The following SHISA9 variants were observed in gnomAD, a reference collection of about 807,000 sequenced individuals.
SHISA9 encodes protein shisa-9.
A neutral mutation model predicts 38.0 loss-of-function variants in SHISA9; 13 were observed. That is an observed-to-expected ratio of 0.34 (90% CI 0.22 to 0.54). The LOEUF is 0.54. SHISA9 is among the 20% of genes least tolerant of loss of function. SHISA9 has a pLI of 0.91. For missense variants in SHISA9, 538 were observed against 575.8 expected (o/e 0.93, Z 0.67); for synonymous variants, 275 against 242.0 (o/e 1.14, Z -1.27).
chr16:13,318,705 G>C, the SHISA9 span, among the ~76,000 whole-genome samples: 2 of 152,188 alleles, frequency 1.3e-5, no homozygotes, highest in Non-Finnish European at 1.5e-5. Flanking sequence ...AGCTCCAAGA[G>C]AAACTAGCTG....
At chr16:12,943,738 G>A (rs2071653297) in intron 2 of SHISA9, among the ~76,000 whole-genome samples, 1 of 152,006 alleles carries the variant, frequency 6.6e-6, no homozygotes. Context: ...TCTGTTCTGG[G>A]CATGCCTGTT....
chr16:12,989,458 C>A (rs972718766), intron 2 of SHISA9, among the ~76,000 whole-genome samples: 11 of 152,134 alleles, frequency 7.2e-5, no homozygotes, highest in African/African-American at 2.2e-4. Flanking sequence ...GGATTACAGG[C>A]ATGAGCCACT....
At chr16:13,438,209 A>C in the SHISA9 span, among the ~76,000 whole-genome samples, 1 of 152,328 alleles carries the variant, frequency 6.6e-6, no homozygotes, top group East Asian at 1.9e-4. Context: ...GAATATCTGC[A>C]AGGCATTCAC....
At position 13,150,924 on chromosome 16, in the gene SHISA9, C is replaced by T. The variant is rs545346082; in HGVS notation, c.692-52470C>T. On this transcript the variant is annotated intron_variant, in intron 2 of 4. Transcript: ENST00000558583. The stretch of plus-strand genomic sequence containing the variant: ...CCTTCCCTCATTTCTTCCTTTTTGC[C>T]CTCATCTCAAACCTCTCCCAAACAC... 3.3e-5 allele frequency among the ~76,000 whole-genome samples: 5 copies of T among 152,064 alleles called. No homozygotes were observed. The East Asian group carries it at 9.7e-4, about 29-fold the overall frequency.
At chr16:13,047,758 C>T (rs781343749) in intron 2 of SHISA9, among the ~76,000 whole-genome samples, 1 of 152,152 alleles carries the variant, frequency 6.6e-6, no homozygotes, top group Non-Finnish European at 1.5e-5. Flanking sequence ...TCACACAACC[C>T]TATGGGCTTA....
intron 2 of SHISA9, among the ~76,000 whole-genome samples, chr16:12,951,395 A>G (rs2071755379): frequency 6.6e-6 from 1 of 152,258 alleles, no homozygotes; most frequent in Admixed American, 6.5e-5. Context: ...AATATTGTCA[A>G]CTTTGCAGGG....
intron 2 of SHISA9, among the ~76,000 whole-genome samples, chr16:13,187,328 C>CTTTTTTTTTTTTTTTTTTTT (rs372286181): frequency 2.2e-5 from 2 of 90,686 alleles, no homozygotes; most frequent in South Asian, 4.5e-4. Context: ...CTTTTCTTTT[C>CTTTTTTTTTTTTTTTTTTTT]TTTTTTTTTT....
At chr16:13,036,557 A>C (rs148637102) in intron 2 of SHISA9, among the ~76,000 whole-genome samples, 1 of 152,282 alleles carries the variant, frequency 6.6e-6, no homozygotes, top group East Asian at 1.9e-4. Context: ...GGCTAGTTAC[A>C]TTGGTGTATA....
At position 13,149,649 on chromosome 16, in the gene SHISA9, G is replaced by T. The variant is rs536176822; in HGVS notation, c.692-53745G>T. ...TTCAAAGAGATAGTCATGGGACCAGGCATGGTGGGTCACACCTGTAATCCC... is the reference window on the plus strand; with the variant it reads ...TTCAAAGAGATAGTCATGGGACCAGTCATGGTGGGTCACACCTGTAATCCC... On this transcript the variant is annotated intron_variant, in intron 2 of 4. Transcript: ENST00000558583. Among the ~76,000 whole-genome samples the T allele has an allele frequency of 3.3e-5, 5 of 152,190 alleles. No homozygotes were observed. The South Asian group carries it at 1.0e-3, about 32-fold the overall frequency.
the SHISA9 span, among the ~76,000 whole-genome samples, chr16:13,425,952 C>T: frequency 1.1e-4 from 17 of 152,290 alleles, no homozygotes; most frequent in Non-Finnish European, 2.2e-4. Flanking sequence ...TGCCCAAGGT[C>T]AAGTACTTGT....
Position 13,238,341 on chromosome 16 carries a change from T to G in SHISA9, c.*2932T>G, listed in dbSNP as rs1280157107. On this transcript the variant is annotated 3_prime_UTR_variant, in exon 5 of 5. Transcript: ENST00000558583. ...TCATTGTGCATACACTAGGGGTGCATAGCCCACACTTCAGAAAACCCTGGG... is the reference window on the plus strand; with the variant it reads ...TCATTGTGCATACACTAGGGGTGCAGAGCCCACACTTCAGAAAACCCTGGG... 3 of 152,208 alleles carry G rather than the reference T, an allele frequency of 2.0e-5. No individual in the cohort carries two copies. The highest frequency in any genetic ancestry group is 4.4e-5 in the Non-Finnish European group (3 of 68,040). 9.4% of individuals were successfully genotyped at this position (152,208 alleles called of 1,614,324 possible). A position where few individuals can be genotyped will look rare whatever the true frequency, so the allele number is the denominator to read the frequency against.
intron 2 of SHISA9, among the ~76,000 whole-genome samples, chr16:13,132,167 G>C (rs2050311822): frequency 6.6e-6 from 1 of 152,130 alleles, no homozygotes; most frequent in Non-Finnish European, 1.5e-5. Flanking sequence ...GCAGACAATC[G>C]AGGTGTGAAT....
chr16:13,069,061 GTA>G (rs970702218), intron 2 of SHISA9, among the ~76,000 whole-genome samples: 9 of 152,036 alleles, frequency 5.9e-5, no homozygotes, highest in African/African-American at 2.2e-4. Context: ...ATGTGTATAT[GTA>G]TGTGTGTACA....
the SHISA9 span, among the ~76,000 whole-genome samples, chr16:13,416,757 A>AGGAAG: frequency 2.2e-3 from 262 of 120,700 alleles, 2 homozygotes; most frequent in Non-Finnish European, 2.0e-3. Flanking sequence ...GAAGGAAGGA[A>AGGAAG]GGAAGGAAGG....
chr16:13,060,303 A>G (rs534975465), intron 2 of SHISA9, among the ~76,000 whole-genome samples: 2 of 152,232 alleles, frequency 1.3e-5, no homozygotes, highest in East Asian at 3.9e-4. Flanking sequence ...TCTTGATCAA[A>G]CCATCCCCAG....
At chr16:13,350,997 A>G in the SHISA9 span, among the ~76,000 whole-genome samples, 1 of 152,348 alleles carries the variant, frequency 6.6e-6, no homozygotes. Flanking sequence ...CCCGAACAGT[A>G]AATATGGCTA....
intron 2 of SHISA9, among the ~76,000 whole-genome samples, chr16:12,926,128 G>A (rs2141734653): frequency 6.6e-6 from 1 of 152,260 alleles, no homozygotes; most frequent in South Asian, 2.1e-4. Flanking sequence ...TAAGTAACCT[G>A]CCCAAGGTCA....
At chr16:12,905,064 A>G (rs2071074641) in intron 1 of SHISA9, among the ~76,000 whole-genome samples, 2 of 152,146 alleles carry the variant, frequency 1.3e-5, no homozygotes, top group South Asian at 4.1e-4. Context: ...ATGTGCAGCC[A>G]ATCGCTGTTA....
the SHISA9 span, among the ~76,000 whole-genome samples, chr16:13,398,352 G>C: frequency 2.0e-5 from 3 of 152,116 alleles, no homozygotes; most frequent in Non-Finnish European, 4.4e-5. Flanking sequence ...AGTTTTTGGG[G>C]AGCCAATTTT....
Sources: gnomAD v4.1 joint callset for allele counts (sites outside exome capture counted in the v4.1 genomes callset) on GRCh38, gnomAD v4.1.1 for gene constraint, MANE v1.5 for transcripts, NCBI Gene and HGNC (gene_info 2026-07-23, HGNC 2026-07-21) for gene names.